CEP89: variants seen among roughly 807,000 people sequenced by gnomAD.
CEP89 encodes the protein centrosomal protein 89, also known as centrosomal protein of 89 kDa.
A neutral mutation model predicts 97.6 loss-of-function variants in CEP89; 95 were observed. The observed-to-expected ratio is 0.97, with a 90% CI of 0.82 to 1.15. The LOEUF is 1.15. Among genes scored for constraint, CEP89 ranks in the 50% most tolerant of loss-of-function variants. The pLI is 0.00. For synonymous variants in CEP89, 354 were observed against 349.1 expected, an observed-to-expected ratio of 1.01 and a Z score of -0.16; for missense variants, 869 against 947.7, an observed-to-expected ratio of 0.92 and a Z score of 1.09.
At chr19:32,953,822 G>A (rs200327445) in intron 3 of CEP89, 21 bp from the exon 4 acceptor site, 167 of 1,570,304 alleles carry the variant, frequency 1.1e-4, no homozygotes, top group South Asian at 9.8e-4. Context: ...ATATTCATGG[G>A]GAAAACAAAC....
intron 14 of CEP89, among the ~76,000 whole-genome samples, chr19:32,911,195 T>C (rs1371032171): frequency 6.6e-6 from 1 of 152,266 alleles, no homozygotes; most frequent in East Asian, 1.9e-4. Flanking sequence ...GTCGTATATG[T>C]GGTCCATTGT....
At chr19:32,902,543 G>A (rs1568551557) in intron 14 of CEP89, among the ~76,000 whole-genome samples, 1 of 152,202 alleles carries the variant, frequency 6.6e-6, no homozygotes, top group Non-Finnish European at 1.5e-5. Context: ...AGGCAAAACA[G>A]AAGAAACAAC....
rs780488543 is a variant in CEP89, at chr19:32,926,204, T to C, written c.1150A>G (p.Asn384Asp). ...EDMMKEKDEL[N>D]ATLKEEMRMF... ...TGCCAGCCTACCTTGAGGGTGGCAT[T>C]GAGCTCGTCCTTCTCTTTCATCATA... Residue 384 changes from asparagine (N) to aspartate (D), a missense_variant, in exon 11 of 19, where the codon AAT becomes GAT. Asn to Asp is a conservative substitution (Grantham distance 23). Transcript: ENST00000305768. The C allele has an allele frequency of 1.2e-6, 2 of 1,613,282 alleles. No homozygotes were observed. Among genetic ancestry groups the C allele is most frequent in the Non-Finnish European group, 1.7e-6 (2 of 1,179,282 alleles).
chr19:32,895,453 T>C (rs1244344521), intron 16 of CEP89, among the ~76,000 whole-genome samples: 1 of 152,014 alleles, frequency 6.6e-6, no homozygotes, highest in Non-Finnish European at 1.5e-5. Flanking sequence ...AAACTAGACA[T>C]AGAAGGAACA....
intron 11 of CEP89, among the ~76,000 whole-genome samples, chr19:32,924,188 C>T (rs894117176): frequency 4.0e-5 from 6 of 151,848 alleles, no homozygotes; most frequent in Non-Finnish European, 7.4e-5. Context: ...GACGAGGTTT[C>T]GCCATGTTAC....
intron 11 of CEP89, among the ~76,000 whole-genome samples, chr19:32,925,336 A>G (rs1970332547): frequency 3.9e-5 from 6 of 152,180 alleles, no homozygotes; most frequent in Admixed American, 3.9e-4. Context: ...GGCGGTGGAC[A>G]AGGCAGAAAT....
Position 32,918,331 on chromosome 19 carries a change from AGCTGACGCCT to A in CEP89, c.1269-2_1276del, listed in dbSNP as rs1283233474. On this transcript the variant is annotated splice_acceptor_variant and coding_sequence_variant, in exon 13 of 19. Transcript: ENST00000305768. LOFTEE classifies it high-confidence loss of function. ...TAAAACCAGTTTTGCTTGAGTCTGA[AGCTGACGCCT>A]GCAATTGATTTACAAGATGAAATAC... The A allele has an allele frequency of 1.2e-6, 2 of 1,611,938 alleles. No individual in the cohort carries two copies. Among genetic ancestry groups the A allele is most frequent in the East Asian group, 4.5e-5 (2 of 44,866 alleles).
chr19:32,923,423 A>G lies in CEP89; in HGVS notation c.1268+16T>C, dbSNP rs927767635. 11 of 1,352,338 alleles carry G rather than the reference A, an allele frequency of 8.1e-6. No individual in the cohort carries two copies. The highest frequency in any genetic ancestry group is 1.2e-5 in the Non-Finnish European group (11 of 954,844). The allele number at this position is 1,352,338 out of a possible 1,614,324, so 83.8% of individuals were successfully genotyped here. ...GTTTTAAATTAGCAAAAGAGCAGAA[A>G]CACAATGCCACTTGCCATTCCTCAC... On this transcript the variant is annotated intron_variant, in intron 12 of 18. Transcript: ENST00000305768.
At chr19:32,879,527 G>A (rs2145863077) in intron 18 of CEP89, 149 bp from the exon 19 acceptor site, 2 of 659,152 alleles carry the variant, frequency 3.0e-6, no homozygotes, top group African/African-American at 1.8e-5. Context: ...CGCTCAGTGT[G>A]GAATGAAGCA....
intron 16 of CEP89, among the ~76,000 whole-genome samples, chr19:32,891,404 C>T (rs1220029382): frequency 6.6e-6 from 1 of 152,148 alleles, no homozygotes; most frequent in Non-Finnish European, 1.5e-5. Context: ...GAATAAGTGA[C>T]TGTTACACTT....
chr19:32,907,537 C>T (rs925705486), intron 14 of CEP89, among the ~76,000 whole-genome samples: 1 of 151,882 alleles, frequency 6.6e-6, no homozygotes, highest in African/African-American at 2.4e-5. Flanking sequence ...CTGCAACCTC[C>T]ACCTCCTGGG....
chr19:32,891,305 A>G (rs1406348623), intron 16 of CEP89, among the ~76,000 whole-genome samples: 1 of 152,150 alleles, frequency 6.6e-6, no homozygotes, highest in Non-Finnish European at 1.5e-5. Context: ...TCTTCACCAC[A>G]GCCTGCAGGG....
chr19:32,879,020 G>T lies in CEP89; in HGVS notation c.*142C>A. ...ATGTTATCAATGGATTAAACTATGAGACCATTTATTTCTTCCCTGCCCTGC... is the reference window on the plus strand; with the variant it reads ...ATGTTATCAATGGATTAAACTATGATACCATTTATTTCTTCCCTGCCCTGC... On this transcript the variant is annotated 3_prime_UTR_variant, in exon 19 of 19. Coordinates refer to ENST00000305768, the MANE Select transcript of CEP89 (RefSeq NM_032816.5). 3.4e-6 allele frequency: 2 copies of T among 580,294 alleles called. No homozygotes were observed. The highest frequency in any genetic ancestry group is 5.9e-6 in the Non-Finnish European group (2 of 336,212). 35.9% of individuals were successfully genotyped at this position (580,294 alleles called of 1,614,324 possible). A position where few individuals can be genotyped will look rare whatever the true frequency, so the allele number is the denominator to read the frequency against.
chr19:32,906,499 T>G (rs1227683704), intron 14 of CEP89, among the ~76,000 whole-genome samples: 2 of 152,130 alleles, frequency 1.3e-5, no homozygotes, highest in Non-Finnish European at 2.9e-5. Flanking sequence ...TATGTATTCT[T>G]AAATCCCCAA....
intron 2 of CEP89, among the ~76,000 whole-genome samples, chr19:32,961,631 A>G (rs1971170930): frequency 6.7e-6 from 1 of 149,266 alleles, no homozygotes; most frequent in African/African-American, 2.5e-5. Context: ...AAAAACCACC[A>G]TTTTTCATAT....
At chr19:32,963,598 G>A (rs1382078009) in intron 2 of CEP89, 1 of 152,280 alleles carries the variant, frequency 6.6e-6, no homozygotes, top group East Asian at 1.9e-4. Flanking sequence ...CACCTATGGA[G>A]TGTGCTTTAA....
chr19:32,943,924 G>A (rs910969560), intron 5 of CEP89, among the ~76,000 whole-genome samples: 5 of 151,854 alleles, frequency 3.3e-5, no homozygotes, highest in African/African-American at 4.8e-5. Flanking sequence ...TACCAGCTTT[G>A]TGCTTTGAAA....
intron 2 of CEP89, among the ~76,000 whole-genome samples, chr19:32,965,563 G>A (rs796338978): frequency 7.9e-5 from 12 of 151,834 alleles, no homozygotes; most frequent in African/African-American, 2.7e-4. Context: ...GGGCATGGTG[G>A]TACATGCCTG....
At chr19:32,904,500 C>T (rs894720584) in intron 14 of CEP89, among the ~76,000 whole-genome samples, 1 of 152,094 alleles carries the variant, frequency 6.6e-6, no homozygotes, top group Non-Finnish European at 1.5e-5. Context: ...ATTTGTGAAG[C>T]TTTGTCGATG....
Sources: gnomAD v4.1 joint callset for allele counts (sites outside exome capture counted in the v4.1 genomes callset) on GRCh38, gnomAD v4.1.1 for gene constraint, MANE v1.5 for transcripts, NCBI Gene and HGNC (gene_info 2026-07-23, HGNC 2026-07-21) for gene names.